The following MRPL38 variants were observed in gnomAD, a reference collection of about 807,000 sequenced individuals.
MRPL38 encodes large ribosomal subunit protein mL38.
MRPL38 carries 51 observed loss-of-function variants against 52.1 expected under a neutral mutation model. That is an observed-to-expected ratio of 0.98 (90% confidence interval 0.78 to 1.24). The LOEUF (loss-of-function observed/expected upper bound fraction) is 1.24. Among genes scored for constraint, MRPL38 ranks in the 50% most tolerant of loss-of-function variants. The probability of loss-of-function intolerance (pLI) is 0.00; values close to 1 mark genes in which losing one functional copy is unlikely to be tolerated. For missense variants in MRPL38, 527 were observed against 518.6 expected, an observed-to-expected ratio of 1.02 and a Z score of -0.16; for synonymous variants, 245 against 212.7, an observed-to-expected ratio of 1.15 and a Z score of -1.32.
chr17:75,900,294 G>C (rs1215195924), intron 6 of MRPL38: 1 of 152,338 alleles, frequency 6.6e-6, no homozygotes, highest in African/African-American at 2.4e-5. Context: ...AGCGCCCAGT[G>C]GTTCAAGGAG....
At position 75,901,404 on chromosome 17, in the gene MRPL38, G is replaced by A. The variant is rs544872580; in HGVS notation, c.592-131C>T. ...CCCCTGGCACAGGCAGGCAGGCAAA[G>A]GGATGCGTAGAGAAGCAGCCCTGCA... On this transcript the variant is annotated intron_variant, in intron 4 of 8. Transcript: ENST00000309352. The surrounding 1 kb of genome is among the most constrained non-coding windows in gnomAD (Gnocchi z 5.7). 102 of 893,802 alleles carry A rather than the reference G, an allele frequency of 1.1e-4. 1 individual carries two copies. The highest frequency in any genetic ancestry group is 8.6e-4 in the South Asian group (59 of 68,654). 55.4% of individuals were successfully genotyped at this position (893,802 alleles called of 1,614,324 possible). A position where few individuals can be genotyped will look rare whatever the true frequency, so the allele number is the denominator to read the frequency against.
chr17:75,901,203 A>G lies in MRPL38; in HGVS notation c.662T>C (p.Leu221Ser). Residue 221 changes from leucine (L) to serine (S), a missense_variant and splice_region_variant, in exon 5 of 9, where the codon TTG (leucine) becomes TCG (serine). Physicochemically the swap from Leu to Ser is moderately radical, Grantham distance 145. Transcript: ENST00000309352. The surrounding 1 kb of genome is among the most constrained non-coding windows in gnomAD (Gnocchi z 5.7). The stretch of plus-strand genomic sequence containing the variant: ...CCTGGTGAGCCCCAGACACCCACCC[A>G]AGCTAGTGAGTAGCAACGTCCACAA... Reference protein sequence around the residue: ...GSLWTLLLTSLDGHLLEPDAE... With the variant: ...GSLWTLLLTSSDGHLLEPDAE... 1 of 1,613,512 alleles carries G rather than the reference A, an allele frequency of 6.2e-7. No individual in the cohort carries two copies. Among genetic ancestry groups the G allele is most frequent in the African/African-American group, 1.3e-5 (1 of 75,026 alleles).
At chr17:75,902,520 T>A (rs372507197) in intron 2 of MRPL38, among the ~76,000 whole-genome samples, 2 of 152,216 alleles carry the variant, frequency 1.3e-5, no homozygotes, top group Non-Finnish European at 2.9e-5. Context: ...TAGCTGGGAT[T>A]ATAGGCGCAA....
chr17:75,903,678 A>C (rs1033279985), intron 2 of MRPL38, among the ~76,000 whole-genome samples: 7 of 152,006 alleles, frequency 4.6e-5, no homozygotes, highest in Middle Eastern at 3.2e-3. Context: ...AAAAGAAAAG[A>C]AAAGCATATA....
Position 75,901,188 on chromosome 17 carries a change from C to A in MRPL38, c.664+13G>T. 1 of 1,613,116 alleles carries A rather than the reference C, an allele frequency of 6.2e-7. No homozygotes were observed. The highest frequency in any genetic ancestry group is 8.5e-7 in the Non-Finnish European group (1 of 1,179,650). On this transcript the variant is annotated intron_variant, in intron 5 of 8. Transcript: ENST00000309352. The surrounding 1 kb of genome is among the most constrained non-coding windows in gnomAD (Gnocchi z 5.7). ...GAGCGGGGCAGGAGGCCTGGTGAGC[C>A]CCAGACACCCACCCAAGCTAGTGAG...
intron 2 of MRPL38, among the ~76,000 whole-genome samples, chr17:75,903,707 C>T (rs1442418951): frequency 1.3e-5 from 2 of 151,620 alleles, no homozygotes; most frequent in Non-Finnish European, 2.9e-5. Context: ...ATTGTAAGTT[C>T]CTTAAAGGTT....
Position 75,901,348 on chromosome 17 carries a change from G to A in MRPL38, c.592-75C>T, listed in dbSNP as rs2065403662. On this transcript the variant is annotated intron_variant, in intron 4 of 8. Transcript: ENST00000309352. This position sits in a 1 kb window ranked among gnomAD's most constrained non-coding sequence, Gnocchi z 5.7. Reference sequence around the variant, plus strand: ...GTTGCAGGGAGCCTTGGAGAAAGGGGTGCCCACTCTGACCCAAAAGCCCTT... The same window carrying A: ...GTTGCAGGGAGCCTTGGAGAAAGGGATGCCCACTCTGACCCAAAAGCCCTT... 6.9e-7 allele frequency: 1 copy of A among 1,458,568 alleles called. No homozygotes were observed. The highest frequency in any genetic ancestry group is 1.9e-5 in the Admixed American group (1 of 54,014). The allele number at this position is 1,458,568 out of a possible 1,614,324, so 90.4% of individuals were successfully genotyped here. A position where few individuals can be genotyped will look rare whatever the true frequency, so the allele number is the denominator to read the frequency against.
At position 75,898,757 on chromosome 17, in the gene MRPL38, G is replaced by A; in HGVS notation, c.*93C>T. Reference sequence around the variant, plus strand: ...CCAAAGAGGGGGGCTGCCTAAGGCAGGGCCCAGACCCCACAGTGTGGGCCT... The same window carrying A: ...CCAAAGAGGGGGGCTGCCTAAGGCAAGGCCCAGACCCCACAGTGTGGGCCT... On this transcript the variant is annotated 3_prime_UTR_variant, in exon 9 of 9. Transcript: ENST00000309352. The A allele has an allele frequency of 6.6e-7, 1 of 1,509,236 alleles. No individual in the cohort carries two copies. The highest frequency in any genetic ancestry group is 1.4e-5 in the African/African-American group (1 of 72,954). 93.5% of individuals were successfully genotyped at this position (1,509,236 alleles called of 1,614,324 possible).
At chr17:75,903,201 G>C (rs1461519117) in intron 2 of MRPL38, among the ~76,000 whole-genome samples, 1 of 152,178 alleles carries the variant, frequency 6.6e-6, no homozygotes, top group African/African-American at 2.4e-5. Context: ...TTGAGGTCAG[G>C]AGTTTCAGAC....
intron 2 of MRPL38, 125 bp downstream of exon 2, chr17:75,904,415 G>C: frequency 9.8e-7 from 1 of 1,025,150 alleles, no homozygotes; most frequent in Non-Finnish European, 1.5e-6. Context: ...CTGCAGGCAG[G>C]CCCTCCCAGC....
chr17:75,898,856 G>C lies in MRPL38; in HGVS notation c.1137C>G (p.Ile379Met). ...ATGCGCACACTCTGGCTCCTTAGTA[G>C]ATGCCATAGGTGGGCTCATGACTGT... ...YRDSHEPTYG[I>M]Y The change falls in exon 9 of 9, where the codon ATC becomes ATG. Residue 379 changes from isoleucine (I) to methionine (M), a missense_variant. Coordinates refer to ENST00000309352, the MANE Select transcript of MRPL38 (RefSeq NM_032478.4). The C allele has an allele frequency of 6.2e-7, 1 of 1,612,086 alleles. No individual in the cohort carries two copies.
chr17:75,904,342 G>C lies in MRPL38; in HGVS notation c.247+198C>G, dbSNP rs772508049. ...ATAGTAGGGGGAGCGAATTTTCCAA[G>C]AATGAGGTGCAGAAGGTGTGAAAAA... On this transcript the variant is annotated intron_variant, in intron 2 of 8. Coordinates refer to ENST00000309352, the MANE Select transcript of MRPL38 (RefSeq NM_032478.4). 12 of 724,402 alleles carry C rather than the reference G, an allele frequency of 1.7e-5. No individual in the cohort carries two copies. In the Middle Eastern group the frequency reaches 6.8e-4, roughly 41 times the overall value. 44.9% of individuals were successfully genotyped at this position (724,402 alleles called of 1,614,324 possible).
At chr17:75,904,768 C>CCGGGGGGGGGGGGGGGGGG in intron 1 of MRPL38, 41 bp downstream of exon 1, 1 of 1,056,384 alleles carries the variant, frequency 9.5e-7, no homozygotes, top group Non-Finnish European at 1.2e-6. Flanking sequence ...GCTCGGGCGA[C>CCGGGGGGGGGGGGGGGGGG]AGCCCCCCCC....
In MRPL38 at chr17:75,901,901, G is replaced by T; in HGVS notation, c.402C>A (p.Ala134=). Residue 134 remains alanine (A), a synonymous_variant, in exon 4 of 9, where the codon GCC becomes GCA. Coordinates refer to ENST00000309352, the MANE Select transcript of MRPL38 (RefSeq NM_032478.4). This position sits in a 1 kb window ranked among gnomAD's most constrained non-coding sequence, Gnocchi z 5.7. ...AGGTCCTCTCCCACTCGGCCCGCAC[G>T]GCATCCAGCGGGACACTGGCTAGAC... The part of the protein sequence containing the change: ...RLRTASVPLD[A]VRAEWERTCG... 6.2e-7 allele frequency: 1 copy of T among 1,612,224 alleles called. No homozygotes were observed. The highest frequency in any genetic ancestry group is 1.7e-4 in the Middle Eastern group (1 of 6,060).
chr17:75,904,110 T>A (rs536519997), intron 2 of MRPL38: 1 of 414,414 alleles, frequency 2.4e-6, no homozygotes, highest in East Asian at 7.0e-5. Flanking sequence ...CCTTGCACTG[T>A]TCGGGTGCAA....
At position 75,901,208 on chromosome 17, in the gene MRPL38, A is replaced by G. The variant is rs745873487; in HGVS notation, c.657T>C (p.Thr219=). ...TGAGCCCCAGACACCCACCCAAGCT[A>G]GTGAGTAGCAACGTCCACAAGGAGC... ...EEGSLWTLLL[T]SLDGHLLEPD... is the part of the protein sequence containing the mutation. Residue 219 remains threonine, a synonymous_variant, in exon 5 of 9, where the codon ACT becomes ACC. Coordinates refer to ENST00000309352, the MANE Select transcript of MRPL38 (RefSeq NM_032478.4). This position sits in a 1 kb window ranked among gnomAD's most constrained non-coding sequence, Gnocchi z 5.7. 1.2e-6 allele frequency: 2 copies of G among 1,613,598 alleles called. No individual in the cohort carries two copies. The highest frequency in any genetic ancestry group is 2.2e-5 in the South Asian group (2 of 91,008).
At chr17:75,904,768 C>CCGGGGGGGGGGGGG in intron 1 of MRPL38, 41 bp downstream of exon 1, 8 of 1,056,370 alleles carry the variant, frequency 7.6e-6, no homozygotes, top group Middle Eastern at 3.1e-4. Flanking sequence ...GCTCGGGCGA[C>CCGGGGGGGGGGGGG]AGCCCCCCCC....
chr17:75,899,758 T>A (rs988726369), intron 6 of MRPL38, 84 bp from the exon 7 acceptor site: 3 of 1,209,244 alleles, frequency 2.5e-6, no homozygotes, highest in Non-Finnish European at 3.3e-6. Context: ...CCCTAGAGGC[T>A]GACATGACTC....
In MRPL38 at chr17:75,901,688, G is replaced by A; in HGVS notation, c.591+24C>T. 1.2e-6 allele frequency: 2 copies of A among 1,601,858 alleles called. No homozygotes were observed. The highest frequency in any genetic ancestry group is 1.7e-6 in the Non-Finnish European group (2 of 1,169,028). On this transcript the variant is annotated intron_variant, in intron 4 of 8. Transcript: ENST00000309352. This position sits in a 1 kb window ranked among gnomAD's most constrained non-coding sequence, Gnocchi z 5.7. ...TGTCTGTGTTTGCACAGGGCAGGGA[G>A]GAGGGGCACAAGTGAGTGGTTACCT...
Sources: allele counts gnomAD v4.1 joint callset (sites outside exome capture counted in the v4.1 genomes callset), GRCh38; gene constraint gnomAD v4.1.1; non-coding constraint Gnocchi (gnomAD v3.1); transcripts MANE v1.5; gene names NCBI Gene and HGNC (gene_info 2026-07-23, HGNC 2026-07-21).